NRXN3: variants seen among roughly 807,000 people sequenced by gnomAD.
NRXN3 encodes neurexin 3.
Under a neutral mutation model 137.6 loss-of-function variants are expected in NRXN3, and 32 were observed. The observed-to-expected ratio is 0.23, with a 90% confidence interval of 0.18 to 0.31. The LOEUF (loss-of-function observed/expected upper bound fraction) is 0.31. NRXN3 is among the 10% of genes least tolerant of loss of function. The pLI, the probability that NRXN3 is intolerant of heterozygous loss-of-function variation, is 1.00. For missense variants in NRXN3, 1,574 were observed against 2,062.5 expected, an observed-to-expected ratio of 0.76 and a Z score of 4.59; for synonymous variants, 798 against 784.5, an observed-to-expected ratio of 1.02 and a Z score of -0.29.
At chr14:78,876,782 G>C (rs2099114972) in intron 10 of NRXN3, among the ~76,000 whole-genome samples, 1 of 152,092 alleles carries the variant, frequency 6.6e-6, no homozygotes, top group African/African-American at 2.4e-5. Flanking sequence ...TTACCACATG[G>C]GGTTGTTGTG....
At chr14:78,560,490 G>T (rs1000142114) in intron 4 of NRXN3, among the ~76,000 whole-genome samples, 2 of 152,198 alleles carry the variant, frequency 1.3e-5, no homozygotes, top group African/African-American at 4.8e-5. Context: ...TTAAACTGTT[G>T]TTGAAGATAC....
At chr14:79,705,775 ACT>A (rs1396630507) in intron 19 of NRXN3, among the ~76,000 whole-genome samples, 1 of 151,706 alleles carries the variant, frequency 6.6e-6, no homozygotes, top group Non-Finnish European at 1.5e-5. Context: ...AAAATACAAC[ACT>A]CTATCGCCTT....
chr14:79,825,455 T>C (rs1033082881), intron 20 of NRXN3, among the ~76,000 whole-genome samples: 3 of 152,286 alleles, frequency 2.0e-5, no homozygotes, highest in Admixed American at 6.5e-5. Context: ...AGTAGGATCT[T>C]ACCCATTGGA....
intron 16 of NRXN3, among the ~76,000 whole-genome samples, chr14:79,560,504 C>CTTTTTTTTTTTATTTTTT (rs2097482710): frequency 2.3e-5 from 1 of 43,770 alleles, no homozygotes; most frequent in Admixed American, 4.2e-4. Context: ...AGATTGTAAG[C>CTTTTTTTTTTTATTTTTT]TTTTTTTTTT....
intron 8 of NRXN3, among the ~76,000 whole-genome samples, chr14:78,779,730 G>A (rs1250289752): frequency 6.6e-6 from 1 of 152,078 alleles, no homozygotes; most frequent in East Asian, 1.9e-4. Flanking sequence ...TGACAAAAAT[G>A]TAAGGAAGCT....
intron 6 of NRXN3, among the ~76,000 whole-genome samples, chr14:78,686,341 A>C (rs1301399503): frequency 1.3e-5 from 2 of 152,204 alleles, no homozygotes; most frequent in African/African-American, 4.8e-5. Flanking sequence ...ATAACTTTAC[A>C]GTTCTTTATT....
At chr14:79,724,770 T>A (rs183069214) in intron 19 of NRXN3, among the ~76,000 whole-genome samples, 327 of 152,282 alleles carry the variant, frequency 2.1e-3, no homozygotes, top group African/African-American at 7.7e-3. Flanking sequence ...AGCTATACGG[T>A]AGCTGCAAGA....
intron 10 of NRXN3, among the ~76,000 whole-genome samples, chr14:78,842,778 G>T (rs1351290931): frequency 6.6e-6 from 1 of 152,044 alleles, no homozygotes; most frequent in African/African-American, 2.4e-5. Context: ...CTCTTTCTCA[G>T]GGATGTTGCT....
intron 16 of NRXN3, among the ~76,000 whole-genome samples, chr14:79,614,382 G>C (rs1423197763): frequency 7.8e-6 from 1 of 128,754 alleles, no homozygotes; most frequent in African/African-American, 4.2e-5. Flanking sequence ...TGGCCTTCAT[G>C]AACTTTTTTT....
intron 4 of NRXN3, among the ~76,000 whole-genome samples, chr14:78,517,294 A>C (rs2096222865): frequency 6.6e-6 from 1 of 152,086 alleles, no homozygotes; most frequent in African/African-American, 2.4e-5. Context: ...ATGCTGGGTG[A>C]TGAGTGGTAG....
intron 4 of NRXN3, among the ~76,000 whole-genome samples, chr14:78,632,207 C>T (rs1323699942): frequency 6.6e-6 from 1 of 151,328 alleles, no homozygotes; most frequent in African/African-American, 2.4e-5. Flanking sequence ...ATACACAATT[C>T]CCATGATTTT....
At chr14:78,425,059 C>A (rs1045109106) in intron 4 of NRXN3, among the ~76,000 whole-genome samples, 1 of 152,176 alleles carries the variant, frequency 6.6e-6, no homozygotes, top group Non-Finnish European at 1.5e-5. Context: ...ACTACAGCCT[C>A]AGAAGTTTAT....
chr14:79,650,171 C>T (rs1336381503), intron 16 of NRXN3, among the ~76,000 whole-genome samples: 3 of 152,066 alleles, frequency 2.0e-5, no homozygotes, highest in Non-Finnish European at 4.4e-5. Context: ...GCGTCAGAAG[C>T]GTGTTGTGAG....
chr14:78,710,721 G>C (rs2098399911), intron 7 of NRXN3, among the ~76,000 whole-genome samples: 1 of 152,332 alleles, frequency 6.6e-6, no homozygotes, highest in Non-Finnish European at 1.5e-5. Flanking sequence ...CTGAGCTTTG[G>C]TGGGTTGGCT....
At chr14:79,747,715 AAAAC>A (rs1020157082) in intron 19 of NRXN3, among the ~76,000 whole-genome samples, 1 of 152,154 alleles carries the variant, frequency 6.6e-6, no homozygotes, top group African/African-American at 2.4e-5. Context: ...CTAAAAATGA[AAAAC>A]AAAATCAAAG....
At chr14:78,304,172 C>T (rs954334028) in intron 4 of NRXN3, among the ~76,000 whole-genome samples, 3 of 152,188 alleles carry the variant, frequency 2.0e-5, no homozygotes, top group South Asian at 2.1e-4. Context: ...AGTAAGACCA[C>T]GTGTTCTGGC....
At chr14:78,524,493 T>C (rs537200243) in intron 4 of NRXN3, among the ~76,000 whole-genome samples, 10 of 152,330 alleles carry the variant, frequency 6.6e-5, no homozygotes, top group Non-Finnish European at 1.3e-4. Context: ...GAGGGTTTAT[T>C]AAAAACACTG....
In NRXN3 at chr14:78,561,838, A is replaced by G. The variant is rs116693846; in HGVS notation, c.758-83282A>G. Among the ~76,000 whole-genome samples the G allele has an allele frequency of 7.7e-3, 1,167 of 152,328 alleles. 13 individuals are homozygous for G. Among genetic ancestry groups the G allele is most frequent in the African/African-American group, 0.026 (1,100 of 41,566 alleles). On this transcript the variant is annotated intron_variant, in intron 4 of 20. Coordinates refer to ENST00000335750, the MANE Select transcript of NRXN3 (RefSeq NM_001330195.2). ...TATTTTGGCAATTAACGTTTCTGAC[A>G]ATCATACTATACCTTTGACTCATTA...
At chr14:78,491,690 G>T (rs1044564628) in intron 4 of NRXN3, among the ~76,000 whole-genome samples, 1 of 152,074 alleles carries the variant, frequency 6.6e-6, no homozygotes, top group African/African-American at 2.4e-5. Context: ...TTTTTATACT[G>T]ATAGAGAACC....
Sources: allele counts gnomAD v4.1 joint callset (sites outside exome capture counted in the v4.1 genomes callset), GRCh38; gene constraint gnomAD v4.1.1; transcripts MANE v1.5; gene names NCBI Gene and HGNC (gene_info 2026-07-23, HGNC 2026-07-21).